Variants in NLRP6 observed in about 807,000 individuals in gnomAD.
NLRP6 encodes the protein NACHT, LRR and PYD domains-containing protein 6.
Under a neutral mutation model 70.9 loss-of-function variants are expected in NLRP6, and 55 were observed. The ratio of observed to expected loss-of-function variants is 0.78; its 90% CI spans 0.62 to 0.97. NLRP6 has a LOEUF of 0.97. Ranked by LOEUF, NLRP6 falls within the 50% of genes least tolerant of loss-of-function variation. The pLI, the probability that NLRP6 is intolerant of heterozygous loss-of-function variation, is 0.00. For synonymous variants in NLRP6, 652 were observed against 581.9 expected (o/e 1.12, Z -1.73); for missense variants, 1,241 against 1,238.3 (o/e 1.00, Z -0.03).
chr11:278,873 G>A lies in NLRP6; in HGVS notation c.29+275G>A, dbSNP rs1053023808. Among the ~76,000 whole-genome samples, 2 of 152,228 alleles carry A rather than the reference G, an allele frequency of 1.3e-5. No homozygotes were observed. The highest frequency in any genetic ancestry group is 2.9e-5 in the Non-Finnish European group (2 of 68,022). On this transcript the variant is annotated intron_variant, in intron 1 of 7. Transcript: ENST00000534750. This position sits in a 1 kb window ranked among gnomAD's most constrained non-coding sequence, Gnocchi z 4.7. ...GTGGGGGCCCAGGAATACAGCCTGGGCCTGGCAGTGTCTGCTGCCAAAGAG... is the reference window on the plus strand; with the variant it reads ...GTGGGGGCCCAGGAATACAGCCTGGACCTGGCAGTGTCTGCTGCCAAAGAG...
At chr11:283,992 C>T (rs979104490) in intron 5 of NLRP6, among the ~76,000 whole-genome samples, 1 of 152,094 alleles carries the variant, frequency 6.6e-6, no homozygotes, top group African/African-American at 2.4e-5. Flanking sequence ...CATGTTGAAA[C>T]ACGTCTCAGC....
In NLRP6 at chr11:281,160, C is replaced by T; in HGVS notation, c.1426C>T (p.Gln476Ter). ...ACTGGAGCTTCGTGGCTCCAAAGTG[C>T]AGACGCTGTTTCTCAGCAAAAAGGA... ...EQLELRGSKV[Q>*]TLFLSKKELP... is the part of the protein sequence containing the mutation. The change falls in exon 4 of 8, where the codon CAG (glutamine) becomes TAG (stop). Residue 476 changes from glutamine (Q) to a stop codon, truncating the protein, a stop_gained. Coordinates refer to ENST00000534750, the MANE Select transcript of NLRP6 (RefSeq NM_001276700.2). LOFTEE classifies it high-confidence loss of function. 1 of 1,613,126 alleles carries T rather than the reference C, an allele frequency of 6.2e-7. No individual in the cohort carries two copies. Among genetic ancestry groups the T allele is most frequent in the Non-Finnish European group, 8.5e-7 (1 of 1,179,976 alleles).
At position 285,159 on chromosome 11, in the gene NLRP6, G is replaced by A; in HGVS notation, c.2538-7G>A. On this transcript the variant is annotated splice_region_variant and splice_polypyrimidine_tract_variant and intron_variant, in intron 7 of 7. Coordinates refer to ENST00000534750, the MANE Select transcript of NLRP6 (RefSeq NM_001276700.2). ...TGACCCCGCTTCTGCTCTGCGTGTG[G>A]CTGCAGTCTGGCCTCTGTGGAGCTG... 2 of 1,579,190 alleles carry A rather than the reference G, an allele frequency of 1.3e-6. No individual in the cohort carries two copies. Among genetic ancestry groups the A allele is most frequent in the Non-Finnish European group, 1.7e-6 (2 of 1,162,258 alleles).
At position 281,670 on chromosome 11, in the gene NLRP6, C is replaced by T; in HGVS notation, c.1936C>T (p.Leu646=). The T allele has an allele frequency of 6.2e-7, 1 of 1,613,418 alleles. No individual in the cohort carries two copies. The change falls in exon 4 of 8, where the codon CTG becomes TTG. Residue 646 remains leucine, a synonymous_variant. Transcript: ENST00000534750. The stretch of plus-strand genomic sequence containing the variant: ...CCTGTGCCGGTTCCCGGAGCTGGCG[C>T]TGCAGCGAGTGCGCTTCTGCCGCAT... The part of the protein sequence containing the change: ...QALCRFPELA[L]QRVRFCRMDV...
Position 284,213 on chromosome 11 carries a change from G to A in NLRP6, c.2199-17G>A. On this transcript the variant is annotated splice_polypyrimidine_tract_variant and intron_variant, in intron 5 of 7. Transcript: ENST00000534750. ...CTGAGGCGCCTGCAGGTAAATCTCT[G>A]TGCTTCTTGACCACAGGCTGTCCCA... is the stretch of plus-strand genomic sequence containing the variant. 6.2e-7 allele frequency: 1 copy of A among 1,612,646 alleles called. No homozygotes were observed.
At chr11:284,681 T>G in intron 7 of NLRP6, 39 bp downstream of exon 7, 1 of 1,560,566 alleles carries the variant, frequency 6.4e-7, no homozygotes, top group Non-Finnish European at 8.7e-7. Flanking sequence ...GGACACAGCC[T>G]GTCAACCCGG....
Position 281,067 on chromosome 11 carries a change from C to G in NLRP6, c.1333C>G (p.Leu445Val). ...CCGGTTGCAGGGCGACCTGCGCAATCTGTGCCGCCTGGCCCGCGAGGGCGT... is the reference window on the plus strand; with the variant it reads ...CCGGTTGCAGGGCGACCTGCGCAATGTGTGCCGCCTGGCCCGCGAGGGCGT... ...GPRLQGDLRN[L>V]CRLAREGVLG... Residue 445 changes from leucine (L) to valine (V), a missense_variant, in exon 4 of 8, where the codon CTG (leucine) becomes GTG (valine). Transcript: ENST00000534750. 1 of 1,612,800 alleles carries G rather than the reference C, an allele frequency of 6.2e-7. No individual in the cohort carries two copies. The highest frequency in any genetic ancestry group is 8.5e-7 in the Non-Finnish European group (1 of 1,179,812).
At position 280,329 on chromosome 11, in the gene NLRP6, G is replaced by A. The variant is rs761995035; in HGVS notation, c.595G>A (p.Val199Met). 2.0e-6 allele frequency: 3 copies of A among 1,514,312 alleles called. No homozygotes were observed. The highest frequency in any genetic ancestry group is 2.6e-6 in the Non-Finnish European group (3 of 1,132,740). The allele number at this position is 1,514,312 out of a possible 1,614,324, so 93.8% of individuals were successfully genotyped here. A position where few individuals can be genotyped will look rare whatever the true frequency, so the allele number is the denominator to read the frequency against. ...GGAGGGCCGGCGGCCGCTGACCGTGGTGCTGCAGGGCCCGGCGGGCATCGG... is the reference window on the plus strand; with the variant it reads ...GGAGGGCCGGCGGCCGCTGACCGTGATGCTGCAGGGCCCGGCGGGCATCGG... The part of the protein sequence containing the change: ...DEEGRRPLTV[V>M]LQGPAGIGKT... Residue 199 changes from valine (V) to methionine (M), a missense_variant, in exon 4 of 8, where the codon GTG (valine) becomes ATG (methionine). Coordinates refer to ENST00000534750, the MANE Select transcript of NLRP6 (RefSeq NM_001276700.2).
rs757593871 is a variant in NLRP6 at position 281,202 on chromosome 11, G to A, written c.1468G>A (p.Glu490Lys). The stretch of plus-strand genomic sequence containing the variant: ...CAAAAAGGAGCTGCCGGGCGTGCTG[G>A]AGACAGAGGTCACCTACCAGTTCAT... ...LSKKELPGVL[E>K]TEVTYQFIDQ... The change falls in exon 4 of 8, where the codon GAG becomes AAG. Residue 490 changes from glutamate to lysine, a missense_variant. Coordinates refer to ENST00000534750, the MANE Select transcript of NLRP6 (RefSeq NM_001276700.2). 1 of 1,613,238 alleles carries A rather than the reference G, an allele frequency of 6.2e-7. No homozygotes were observed. The highest frequency in any genetic ancestry group is 1.7e-5 in the Admixed American group (1 of 60,034).
Position 281,522 on chromosome 11 carries a change from G to C in NLRP6, c.1788G>C (p.Gly596=), listed in dbSNP as rs763627614. The part of the protein sequence containing the change: ...CPGVAPEVTE[G]AKGLEDTEEP... ...GAGTGGCACCAGAGGTGACCGAGGG[G>C]GCCAAAGGGCTCGAGGACACCGAAG... The change falls in exon 4 of 8, where the codon GGG becomes GGC. Residue 596 remains glycine, a synonymous_variant. Coordinates refer to ENST00000534750, the MANE Select transcript of NLRP6 (RefSeq NM_001276700.2). 2 of 1,608,368 alleles carry C rather than the reference G, an allele frequency of 1.2e-6. No individual in the cohort carries two copies. The highest frequency in any genetic ancestry group is 2.2e-5 in the East Asian group (1 of 44,810).
Position 280,775 on chromosome 11 carries a change from C to A in NLRP6, c.1041C>A (p.Arg347=). The stretch of plus-strand genomic sequence containing the variant: ...GTTCCCCGCAGTGCGCCGAGGTGCG[C>A]GGCTTCTCCGACAAGGACAAGAAGA... ...RLCSPQCAEV[R]GFSDKDKKKY... Residue 347 remains arginine (R), a synonymous_variant, in exon 4 of 8, where the codon CGC becomes CGA. Coordinates refer to ENST00000534750, the MANE Select transcript of NLRP6 (RefSeq NM_001276700.2). The A allele has an allele frequency of 6.2e-7, 1 of 1,611,562 alleles. No individual in the cohort carries two copies. The highest frequency in any genetic ancestry group is 8.5e-7 in the Non-Finnish European group (1 of 1,179,122).
In NLRP6 at chr11:284,410, G is replaced by A. The variant is rs762391481; in HGVS notation, c.2369+10G>A. On this transcript the variant is annotated intron_variant, in intron 6 of 7. Coordinates refer to ENST00000534750, the MANE Select transcript of NLRP6 (RefSeq NM_001276700.2). Reference sequence around the variant, plus strand: ...GGGTGCAGACGGTCAGGTGAGGCCTGGCCTGGGAGGGACCGTGGGATGCCC... The same window carrying A: ...GGGTGCAGACGGTCAGGTGAGGCCTAGCCTGGGAGGGACCGTGGGATGCCC... 6 of 1,599,024 alleles carry A rather than the reference G, an allele frequency of 3.8e-6. No homozygotes were observed. The highest frequency in any genetic ancestry group is 5.1e-6 in the Non-Finnish European group (6 of 1,170,140).
In NLRP6 at chr11:281,463, C is replaced by A. The variant is rs1194412455; in HGVS notation, c.1729C>A (p.Arg577=). The change falls in exon 4 of 8, where the codon CGG becomes AGG. Residue 577 remains arginine, a synonymous_variant. Coordinates refer to ENST00000534750, the MANE Select transcript of NLRP6 (RefSeq NM_001276700.2). ...AGAGCGTGTGAAGCAGGAGGCCCTG[C>A]GGTGGGTGCAGGGACAGGGACAGGG... The part of the protein sequence containing the change: ...VSERVKQEAL[R]WVQGQGQGCP... 2 of 1,597,582 alleles carry A rather than the reference C, an allele frequency of 1.3e-6. No individual in the cohort carries two copies. The highest frequency in any genetic ancestry group is 1.7e-6 in the Non-Finnish European group (2 of 1,170,726).
At position 280,636 on chromosome 11, in the gene NLRP6, C is replaced by A; in HGVS notation, c.902C>A (p.Ala301Glu). Residue 301 changes from alanine (A) to glutamate (E), a missense_variant, in exon 4 of 8, where the codon GCG (alanine) becomes GAG (glutamate). Physicochemically the swap from Ala to Glu is moderately radical, Grantham distance 107. Transcript: ENST00000534750. ...EAAPCTDPFE[A>E]ASGARVLGGL... ...GCGCCCTGCACAGACCCCTTCGAGG[C>A]GGCGAGCGGCGCGCGGGTGCTAGGC... 6.7e-7 allele frequency: 1 copy of A among 1,502,294 alleles called. No individual in the cohort carries two copies. The highest frequency in any genetic ancestry group is 8.8e-7 in the Non-Finnish European group (1 of 1,134,500). The allele number at this position is 1,502,294 out of a possible 1,614,324, so 93.1% of individuals were successfully genotyped here.
rs771821908 is a variant in NLRP6 at position 282,657 on chromosome 11, G to A, written c.2106-48G>A. 6 of 1,429,620 alleles carry A rather than the reference G, an allele frequency of 4.2e-6. No individual in the cohort carries two copies. The South Asian group carries it at 5.7e-5, about 14-fold the overall frequency. The allele number at this position is 1,429,620 out of a possible 1,614,324, so 88.6% of individuals were successfully genotyped here. A position where few individuals can be genotyped will look rare whatever the true frequency, so the allele number is the denominator to read the frequency against. On this transcript the variant is annotated intron_variant, in intron 4 of 7. Coordinates refer to ENST00000534750, the MANE Select transcript of NLRP6 (RefSeq NM_001276700.2). ...GATAGACAGGAGTCCTTTCCGGCAGGCACTGTGAGGAGCAGGGTGGGCTTC... is the reference window on the plus strand; with the variant it reads ...GATAGACAGGAGTCCTTTCCGGCAGACACTGTGAGGAGCAGGGTGGGCTTC...
rs370138796 is a variant in NLRP6, at chr11:278,620, G to T, written c.29+22G>T. ...CCAGGTGAGTGCTGGCCCCAGGGTG[G>T]TCACTGGGAACCGGCTGGTCTCAGC... On this transcript the variant is annotated intron_variant, in intron 1 of 7. Coordinates refer to ENST00000534750, the MANE Select transcript of NLRP6 (RefSeq NM_001276700.2). The surrounding 1 kb of genome is among the most constrained non-coding windows in gnomAD (Gnocchi z 4.7). 16 of 1,573,254 alleles carry T rather than the reference G, an allele frequency of 1.0e-5. No individual in the cohort carries two copies. The highest frequency in any genetic ancestry group is 1.2e-5 in the Non-Finnish European group (14 of 1,160,848).
chr11:279,510 C>T lies in NLRP6; in HGVS notation c.213C>T (p.Phe71=), dbSNP rs1300924231. 1.4e-6 allele frequency: 2 copies of T among 1,458,234 alleles called. No individual in the cohort carries two copies. Among genetic ancestry groups the T allele is most frequent in the Non-Finnish European group, 1.8e-6 (2 of 1,106,802 alleles). The allele number at this position is 1,458,234 out of a possible 1,614,324, so 90.3% of individuals were successfully genotyped here. A position where few individuals can be genotyped will look rare whatever the true frequency, so the allele number is the denominator to read the frequency against. ...ACCTCGCGGAGCAGCTGGCCCAGTT[C>T]TACGGCCCGGAGCCTGCCCTGGAGG... ...AVDLAEQLAQ[F]YGPEPALEVA... Residue 71 remains phenylalanine (F), a synonymous_variant, in exon 2 of 8, where the codon TTC becomes TTT. Coordinates refer to ENST00000534750, the MANE Select transcript of NLRP6 (RefSeq NM_001276700.2).
At chr11:283,441 G>C (rs1845507219) in intron 5 of NLRP6, among the ~76,000 whole-genome samples, 1 of 151,098 alleles carries the variant, frequency 6.6e-6, no homozygotes, top group African/African-American at 2.4e-5. Flanking sequence ...AGCCTACTGA[G>C]TAGCTGGGAC....
Position 279,422 on chromosome 11 carries a change from G to A in NLRP6, c.125G>A (p.Arg42His), listed in dbSNP as rs1049166686. 6 of 1,367,734 alleles carry A rather than the reference G, an allele frequency of 4.4e-6. No homozygotes were observed. In the African/African-American group the frequency reaches 7.6e-5, roughly 17 times the overall value. The allele number at this position is 1,367,734 out of a possible 1,614,324, so 84.7% of individuals were successfully genotyped here. ...EQLKRFRHKL[R>H]DVGPDGRSIP... ...CTGAAGCGCTTCCGCCACAAGCTGC[G>A]CGACGTGGGCCCGGACGGACGCAGC... The change falls in exon 2 of 8, where the codon CGC becomes CAC. Residue 42 changes from arginine to histidine, a missense_variant. Physicochemically the swap from Arg to His is conservative, Grantham distance 29. Coordinates refer to ENST00000534750, the MANE Select transcript of NLRP6 (RefSeq NM_001276700.2).
Sources: allele counts gnomAD v4.1 joint callset (sites outside exome capture counted in the v4.1 genomes callset), GRCh38; gene constraint gnomAD v4.1.1; non-coding constraint Gnocchi (gnomAD v3.1); transcripts MANE v1.5; gene names NCBI Gene and HGNC (gene_info 2026-07-23, HGNC 2026-07-21).